The following CEP192 variants were observed in gnomAD, a reference collection of about 807,000 sequenced individuals.
The protein encoded by CEP192 is centrosomal protein of 192 kDa.
A neutral mutation model predicts 271.8 loss-of-function variants in CEP192; 151 were observed. The ratio of observed to expected loss-of-function variants is 0.56; its 90% confidence interval spans 0.49 to 0.64. CEP192 has a LOEUF of 0.64. Among genes scored for constraint, CEP192 ranks in the 30% least tolerant of loss-of-function variants. CEP192 has a pLI of 0.00. For synonymous variants in CEP192, 995 were observed against 1,076.5 expected (o/e 0.92, Z 1.48); for missense variants, 2,910 against 3,020.5 (o/e 0.96, Z 0.86).
chr18:13,093,051 G>T (rs1318343607), intron 34 of CEP192, among the ~76,000 whole-genome samples: 1 of 152,056 alleles, frequency 6.6e-6, no homozygotes, highest in Non-Finnish European at 1.5e-5. Context: ...CCCAGCTACT[G>T]GGGAGGCTGA....
chr18:13,104,541 G>A (rs761970255), intron 39 of CEP192, among the ~76,000 whole-genome samples: 5 of 152,168 alleles, frequency 3.3e-5, no homozygotes, highest in Non-Finnish European at 7.3e-5. Flanking sequence ...GAGCCCAGGA[G>A]GTCGAGGCTG....
At chr18:12,997,246 G>A (rs1275917742) in intron 1 of CEP192, among the ~76,000 whole-genome samples, 1 of 152,074 alleles carries the variant, frequency 6.6e-6, no homozygotes, top group Non-Finnish European at 1.5e-5. Flanking sequence ...GAGGGGTTGA[G>A]GAGGATATAT....
intron 1 of CEP192, among the ~76,000 whole-genome samples, chr18:12,995,929 G>A (rs1305089890): frequency 1.3e-5 from 2 of 152,206 alleles, no homozygotes; most frequent in African/African-American, 2.4e-5. Context: ...AGGATGACTG[G>A]AATGGAGTGA....
chr18:12,997,873 C>T lies in CEP192; in HGVS notation c.-4-1548C>T, dbSNP rs373228633. Among the ~76,000 whole-genome samples, 6 of 151,976 alleles carry T rather than the reference C, an allele frequency of 3.9e-5. No individual in the cohort carries two copies. The East Asian group carries it at 5.8e-4, about 15-fold the overall frequency. On this transcript the variant is annotated intron_variant, in intron 1 of 44. Transcript: ENST00000506447. ...CCAAATAGCTGGGATTACAGGTGCC[C>T]GCCATGACGCCCAGCTAGTTTTTGT...
chr18:13,063,852 GCT>G (rs2037542013), intron 21 of CEP192, among the ~76,000 whole-genome samples: 1 of 143,116 alleles, frequency 7.0e-6, no homozygotes, highest in Admixed American at 7.2e-5. Flanking sequence ...ATGGAGTCTC[GCT>G]CTGTCACCCA....
intron 21 of CEP192, among the ~76,000 whole-genome samples, chr18:13,063,236 G>A (rs1219116523): frequency 1.5e-4 from 23 of 152,176 alleles, no homozygotes; most frequent in Admixed American, 1.5e-3. Flanking sequence ...CTACCCAGCA[G>A]TGGAATAGCT....
rs558583445 is a variant in CEP192 at position 13,034,604 on chromosome 18, G to A, written c.1535-2633G>A. Among the ~76,000 whole-genome samples the A allele has an allele frequency of 1.1e-4, 16 of 151,510 alleles. No individual in the cohort carries two copies. The South Asian group carries it at 2.9e-3, about 28-fold the overall frequency. On this transcript the variant is annotated intron_variant, in intron 11 of 44. Coordinates refer to ENST00000506447, the MANE Select transcript of CEP192 (RefSeq NM_032142.4). ...GGGTGGATCACCAGGTCAGGAGATC[G>A]AGACCATCCTGGCTAACATGGTGAA...
intron 44 of CEP192, among the ~76,000 whole-genome samples, chr18:13,118,367 C>T (rs1442868149): frequency 6.6e-6 from 1 of 152,204 alleles, no homozygotes; most frequent in East Asian, 1.9e-4. Flanking sequence ...ACTCTGCAAA[C>T]ATTCTAGGCC....
intron 30 of CEP192, among the ~76,000 whole-genome samples, chr18:13,081,523 CCTTTT>C (rs1346462667): frequency 4.6e-5 from 7 of 151,984 alleles, no homozygotes; most frequent in African/African-American, 1.7e-4. Context: ...GATTCTTCTC[CCTTTT>C]CTTCTTTGTT....
Position 13,124,939 on chromosome 18 carries a change from T to C in CEP192, c.*169T>C, listed in dbSNP as rs867757309. The C allele has an allele frequency of 6.3e-5, 35 of 558,424 alleles. No homozygotes were observed. Among genetic ancestry groups the C allele is most frequent in the African/African-American group, 6.2e-4 (33 of 53,322 alleles). 34.6% of individuals were successfully genotyped at this position (558,424 alleles called of 1,614,324 possible). ...GAAGACTCGACTGAAATATTATGTATCTAGCCCATAGTATTGTACTTAACT... is the reference window on the plus strand; with the variant it reads ...GAAGACTCGACTGAAATATTATGTACCTAGCCCATAGTATTGTACTTAACT... On this transcript the variant is annotated 3_prime_UTR_variant, in exon 45 of 45. Coordinates refer to ENST00000506447, the MANE Select transcript of CEP192 (RefSeq NM_032142.4).
intron 26 of CEP192, 57 bp from the exon 27 acceptor site, chr18:13,069,681 G>A: frequency 1.0e-6 from 1 of 995,124 alleles, no homozygotes; most frequent in Non-Finnish European, 1.6e-6. Flanking sequence ...GAGCCACTGA[G>A]CGAAAACTGC....
At chr18:13,005,455 C>A (rs954393126) in intron 3 of CEP192, among the ~76,000 whole-genome samples, 2 of 152,142 alleles carry the variant, frequency 1.3e-5, no homozygotes, top group African/African-American at 4.8e-5. Flanking sequence ...GTCCGACTCA[C>A]CTGTTGCTGT....
chr18:13,031,409 G>A (rs933491347), intron 11 of CEP192, among the ~76,000 whole-genome samples: 27 of 151,980 alleles, frequency 1.8e-4, no homozygotes, highest in African/African-American at 5.1e-4. Context: ...CACTACGCCC[G>A]GCTAATTTTT....
chr18:13,084,775 G>A (rs927727494), intron 30 of CEP192, among the ~76,000 whole-genome samples: 9 of 151,790 alleles, frequency 5.9e-5, no homozygotes, highest in South Asian at 2.1e-4. Context: ...TCTAATGATC[G>A]CCATTCTCAC....
intron 32 of CEP192, 66 bp from the exon 33 acceptor site, chr18:13,089,390 A>C (rs1289821914): frequency 5.3e-6 from 4 of 753,546 alleles, no homozygotes; most frequent in Non-Finnish European, 8.5e-6. Flanking sequence ...ATTAGTGAAA[A>C]TCTAATTAAA....
chr18:13,116,703 G>A (rs904043824), intron 43 of CEP192, among the ~76,000 whole-genome samples, 200 bp downstream of exon 43: 2 of 151,940 alleles, frequency 1.3e-5, no homozygotes, highest in South Asian at 4.2e-4. Flanking sequence ...TCCACCTCCC[G>A]GGTTCATGCC....
chr18:13,099,619 C>T (rs2039613135), intron 37 of CEP192, 38 bp downstream of exon 37: 1 of 1,004,192 alleles, frequency 1.0e-6, no homozygotes, highest in South Asian at 1.5e-5. Flanking sequence ...TTTTGAGTGA[C>T]AATTCTGTTT....
intron 38 of CEP192, among the ~76,000 whole-genome samples, 194 bp from the exon 39 acceptor site, chr18:13,103,313 CTT>C (rs973060109): frequency 1.9e-4 from 29 of 152,268 alleles, no homozygotes; most frequent in African/African-American, 6.7e-4. Flanking sequence ...TTGCATTATA[CTT>C]GTAATAAAAC....
intron 21 of CEP192, among the ~76,000 whole-genome samples, chr18:13,064,611 CA>C (rs552202874): frequency 0.06 from 3,880 of 64,514 alleles, 132 homozygotes; most frequent in African/African-American, 0.18. Flanking sequence ...GACTCCATCT[CA>C]AAAAAAAAAA....
Sources: allele counts gnomAD v4.1 joint callset (sites outside exome capture counted in the v4.1 genomes callset), GRCh38; gene constraint gnomAD v4.1.1; transcripts MANE v1.5; gene names NCBI Gene and HGNC (gene_info 2026-07-23, HGNC 2026-07-21).